Variants in SEC61A2 observed in about 807,000 individuals in gnomAD.
SEC61A2 encodes the protein SEC61 translocon subunit alpha 2.
SEC61A2 carries 28 observed loss-of-function variants against 59.9 expected under a neutral mutation model. That is an observed-to-expected ratio of 0.47 (90% CI 0.35 to 0.64). The LOEUF is 0.64. Ranked by LOEUF, SEC61A2 falls within the 30% of genes least tolerant of loss-of-function variation. The pLI is 0.01. For synonymous variants in SEC61A2, 202 were observed against 214.4 expected (o/e 0.94, Z 0.50); for missense variants, 340 against 585.9 (o/e 0.58, Z 4.33).
intron 4 of SEC61A2, among the ~76,000 whole-genome samples, chr10:12,148,513 G>A (rs961021154): frequency 6.6e-6 from 1 of 151,886 alleles, no homozygotes; most frequent in African/African-American, 2.4e-5. Flanking sequence ...CCAAAGTGCT[G>A]GGATTACAGG....
chr10:12,143,564 G>A lies in SEC61A2; in HGVS notation c.220+369G>A, dbSNP rs1042736315. Reference sequence around the variant, plus strand: ...AGCCTGGCCAACATGGTGAAACCCCGTCTCTACTAAAAATAGAAAAATTAG... The same window carrying A: ...AGCCTGGCCAACATGGTGAAACCCCATCTCTACTAAAAATAGAAAAATTAG... On this transcript the variant is annotated intron_variant, in intron 4 of 11. Transcript: ENST00000298428. This position sits in a 1 kb window ranked among gnomAD's most constrained non-coding sequence, Gnocchi z 4.8. Among the ~76,000 whole-genome samples, 5 of 152,056 alleles carry A rather than the reference G, an allele frequency of 3.3e-5. No homozygotes were observed. The highest frequency in any genetic ancestry group is 6.5e-5 in the Admixed American group (1 of 15,268).
downstream of SEC61A2, chr10:12,167,206 C>G (rs764076998): frequency 6.3e-6 from 1 of 159,184 alleles, no homozygotes; most frequent in African/African-American, 2.4e-5. Flanking sequence ...TTCAACTACC[C>G]TAGATAAATT....
chr10:12,155,364 G>T lies in SEC61A2; in HGVS notation c.463-414G>T. 6.4e-7 allele frequency: 1 copy of T among 1,574,234 alleles called. No homozygotes were observed. The stretch of plus-strand genomic sequence containing the variant: ...TGATGGCAGTGTACATTTCCATCTT[G>T]CTATTATACCAGAATTCATCTGACT... On this transcript the variant is annotated intron_variant, in intron 6 of 11. Transcript: ENST00000298428. The surrounding 1 kb of genome is among the most constrained non-coding windows in gnomAD (Gnocchi z 4.3).
At position 12,152,309 on chromosome 10, in the gene SEC61A2, A is replaced by G. The variant is rs940998104; in HGVS notation, c.462+2348A>G. ...TGGCCAGGCTGGTCTTGAACTTCTG[A>G]CCTTAGGTGATCCACCCGCCTCGGC... On this transcript the variant is annotated intron_variant, in intron 6 of 11. Transcript: ENST00000298428. This position sits in a 1 kb window ranked among gnomAD's most constrained non-coding sequence, Gnocchi z 5.5. Among the ~76,000 whole-genome samples, 3 of 151,810 alleles carry G rather than the reference A, an allele frequency of 2.0e-5. No homozygotes were observed. The highest frequency in any genetic ancestry group is 4.4e-5 in the Non-Finnish European group (3 of 67,936).
At chr10:12,131,988 A>C (rs74930733) in intron 1 of SEC61A2, among the ~76,000 whole-genome samples, 13 of 68 alleles carry the variant, frequency 0.19, no homozygotes, top group South Asian at 0.5. Flanking sequence ...TGAGCCAACA[A>C]GCCCGGCCTA....
In SEC61A2 at chr10:12,158,761, G is replaced by T. The variant is rs967693417; in HGVS notation, c.975+656G>T. 6.6e-6 allele frequency among the ~76,000 whole-genome samples: 1 copy of T among 151,980 alleles called. No individual in the cohort carries two copies. Among genetic ancestry groups the T allele is most frequent in the Non-Finnish European group, 1.5e-5 (1 of 67,990 alleles). ...ATAAAAACAAAAAATGCTATTTGCT[G>T]CTGCTAACATGTGAGATACTGGACT... On this transcript the variant is annotated intron_variant, in intron 9 of 11. Coordinates refer to ENST00000298428, the MANE Select transcript of SEC61A2 (RefSeq NM_018144.4). The surrounding 1 kb of genome is among the most constrained non-coding windows in gnomAD (Gnocchi z 5.7).
rs202205069 is a variant in SEC61A2 at position 12,149,552 on chromosome 10, G to A, written c.221-43G>A. The stretch of plus-strand genomic sequence containing the variant: ...CGACACCTCTAAATCAGTTTGTATC[G>A]TGTACAGCAAACATTGCACACTTCT... On this transcript the variant is annotated intron_variant, in intron 4 of 11. Transcript: ENST00000298428. This position sits in a 1 kb window ranked among gnomAD's most constrained non-coding sequence, Gnocchi z 5.2. The A allele has an allele frequency of 1.2e-4, 181 of 1,553,010 alleles. No homozygotes were observed. The East Asian group carries it at 3.0e-3, about 26-fold the overall frequency.
Position 12,156,602 on chromosome 10 carries a change from C to T in SEC61A2, c.617-305C>T, listed in dbSNP as rs1334108240. Among the ~76,000 whole-genome samples, 5 of 152,156 alleles carry T rather than the reference C, an allele frequency of 3.3e-5. No individual in the cohort carries two copies. In the East Asian group the frequency reaches 9.6e-4, roughly 29 times the overall value. ...TTTCCTAAAAACACTCTCTCCCTTCCCTGAAGTAGAGGAGAGGCAAATCTC... is the reference window on the plus strand; with the variant it reads ...TTTCCTAAAAACACTCTCTCCCTTCTCTGAAGTAGAGGAGAGGCAAATCTC... On this transcript the variant is annotated intron_variant, in intron 7 of 11. Coordinates refer to ENST00000298428, the MANE Select transcript of SEC61A2 (RefSeq NM_018144.4). The surrounding 1 kb of genome is among the most constrained non-coding windows in gnomAD (Gnocchi z 5.2).
rs1457977912 is a variant in SEC61A2, at chr10:12,129,678, C to T, written c.-110C>T. On this transcript the variant is annotated 5_prime_UTR_variant, in exon 1 of 12. Transcript: ENST00000298428. The surrounding 1 kb of genome is among the most constrained non-coding windows in gnomAD (Gnocchi z 5.6). ...TGCGCGGGGTTGGGCGGAGCCTGCG[C>T]GGGGCCGGTAGGATCGCGTCGGGAG... 3.1e-5 allele frequency: 34 copies of T among 1,108,092 alleles called. No homozygotes were observed. Among genetic ancestry groups the T allele is most frequent in the Non-Finnish European group, 4.2e-5 (33 of 791,198 alleles). The allele number at this position is 1,108,092 out of a possible 1,614,324, so 68.6% of individuals were successfully genotyped here.
At chr10:12,137,805 A>G (rs1833921985) in intron 3 of SEC61A2, among the ~76,000 whole-genome samples, 1 of 152,098 alleles carries the variant, frequency 6.6e-6, no homozygotes, top group South Asian at 2.1e-4. Flanking sequence ...TCAGGAGTTG[A>G]GACCAGTCTG....
downstream of SEC61A2, chr10:12,167,779 C>T (rs1032807477): frequency 1.5e-5 from 25 of 1,614,002 alleles, no homozygotes; most frequent in Middle Eastern, 4.9e-4. Context: ...TAGACCCTGG[C>T]GTCCACTGTG....
chr10:12,133,211 T>C (rs1331151124), intron 1 of SEC61A2, 30 bp from the exon 2 acceptor site: 3 of 1,080,074 alleles, frequency 2.8e-6, no homozygotes, highest in South Asian at 2.7e-5. Context: ...TTCATAATAA[T>C]AGGAACATTT....
rs138965801 is a variant in SEC61A2 at position 12,146,004 on chromosome 10, A to G, written c.220+2809A>G. Among the ~76,000 whole-genome samples the G allele has an allele frequency of 3.4e-4, 51 of 152,166 alleles. 2 individuals carry two copies. In the East Asian group the frequency reaches 8.7e-3, roughly 26 times the overall value. On this transcript the variant is annotated intron_variant, in intron 4 of 11. Coordinates refer to ENST00000298428, the MANE Select transcript of SEC61A2 (RefSeq NM_018144.4). ...CATTCTCTGTGCGATTCAGCTCCACACTCCCAGATTTATTTTATTTTATTT... is the reference window on the plus strand; with the variant it reads ...CATTCTCTGTGCGATTCAGCTCCACGCTCCCAGATTTATTTTATTTTATTT...
At chr10:12,130,317 C>A (rs562275940) in intron 1 of SEC61A2, among the ~76,000 whole-genome samples, 1 of 152,202 alleles carries the variant, frequency 6.6e-6, no homozygotes, top group South Asian at 2.1e-4. Flanking sequence ...GTTTTATAAG[C>A]CTTAGGGACA....
chr10:12,148,916 G>C (rs1033363689), intron 4 of SEC61A2, among the ~76,000 whole-genome samples: 3 of 152,122 alleles, frequency 2.0e-5, no homozygotes, highest in Non-Finnish European at 4.4e-5. Context: ...TCCCCCGTAA[G>C]GTGGACTATT....
chr10:12,164,368 C>G lies in SEC61A2; in HGVS notation c.1345C>G (p.Leu449Val). The change falls in exon 12 of 12, where the codon CTA becomes GTA. Residue 449 changes from leucine (L) to valine (V), a missense_variant. Leu to Val is a conservative substitution (Grantham distance 32, BLOSUM62 1). This residue lies in a region of SEC61A2 where 283 missense variants were observed against 483.2 expected (regional missense o/e 0.59). Transcript: ENST00000298428. The surrounding 1 kb of genome is among the most constrained non-coding windows in gnomAD (Gnocchi z 7.3). ...GAIGSGTGIL[L>V]AVTIIYQYFE... ...CATTGGATCTGGCACTGGAATTCTG[C>G]TAGCAGTCACTATTATTTACCAGTA... The G allele has an allele frequency of 6.2e-7, 1 of 1,614,206 alleles. No individual in the cohort carries two copies. The highest frequency in any genetic ancestry group is 8.5e-7 in the Non-Finnish European group (1 of 1,180,044).
In SEC61A2 at chr10:12,158,677, C is replaced by T. The variant is rs550621064; in HGVS notation, c.975+572C>T. Among the ~76,000 whole-genome samples the T allele has an allele frequency of 1.3e-5, 2 of 152,242 alleles. No homozygotes were observed. The highest frequency in any genetic ancestry group is 4.1e-4 in the South Asian group (2 of 4,824). ...CCCAGGAGATGGAGGTTGCTGTGAG[C>T]TGAGATCACGCCACTGCACTCCAGC... On this transcript the variant is annotated intron_variant, in intron 9 of 11. Transcript: ENST00000298428. The surrounding 1 kb of genome is among the most constrained non-coding windows in gnomAD (Gnocchi z 5.7).
rs1834520370 is a variant in SEC61A2 at position 12,161,251 on chromosome 10, C to A, written c.1167+130C>A. 7.8e-6 allele frequency: 5 copies of A among 638,646 alleles called. No homozygotes were observed. The highest frequency in any genetic ancestry group is 3.1e-5 in the East Asian group (1 of 32,524). 39.6% of individuals were successfully genotyped at this position (638,646 alleles called of 1,614,324 possible). A position where few individuals can be genotyped will look rare whatever the true frequency, so the allele number is the denominator to read the frequency against. ...TCAGGAGTTTTGAGACCAGCCTGGG[C>A]AACATAGCGAGACCCCGTCATGACT... On this transcript the variant is annotated intron_variant, in intron 10 of 11. Transcript: ENST00000298428. The surrounding 1 kb of genome is among the most constrained non-coding windows in gnomAD (Gnocchi z 5.4).
chr10:12,159,405 T>C (rs1297274907), intron 9 of SEC61A2, among the ~76,000 whole-genome samples: 6 of 152,180 alleles, frequency 3.9e-5, no homozygotes, highest in Non-Finnish European at 5.9e-5. Flanking sequence ...TTATAGATTT[T>C]AGCCAGGCGT....
Sources: allele counts gnomAD v4.1 joint callset (sites outside exome capture counted in the v4.1 genomes callset), GRCh38; gene constraint gnomAD v4.1.1; regional missense constraint gnomAD v4.1.1; non-coding constraint Gnocchi (gnomAD v3.1); transcripts MANE v1.5; gene names NCBI Gene and HGNC (gene_info 2026-07-23, HGNC 2026-07-21).